MYO10: variants seen among roughly 807,000 people sequenced by gnomAD.
MYO10 encodes the protein myosin X.
In MYO10, 133 loss-of-function variants were observed where a neutral mutation model predicts 257.3. That is an observed-to-expected ratio of 0.52 (90% CI 0.45 to 0.60). The LOEUF is 0.60. Among genes scored for constraint, MYO10 ranks in the 20% least tolerant of loss-of-function variants. The probability of loss-of-function intolerance (pLI) is 0.00; values close to 1 mark genes in which losing one functional copy is unlikely to be tolerated. For synonymous variants in MYO10, 1,104 were observed against 1,028.6 expected, an observed-to-expected ratio of 1.07 and a Z score of -1.40; for missense variants, 2,399 against 2,635.7, an observed-to-expected ratio of 0.91 and a Z score of 1.97.
intron 26 of MYO10, among the ~76,000 whole-genome samples, chr5:16,698,945 G>A (rs1367392086): frequency 1.3e-5 from 2 of 152,110 alleles, no homozygotes; most frequent in Admixed American, 6.5e-5. Context: ...TTTATCATGA[G>A]AATGGGTCTC....
At chr5:16,844,970 A>C (rs933417483) in intron 2 of MYO10, among the ~76,000 whole-genome samples, 6 of 151,402 alleles carry the variant, frequency 4.0e-5, no homozygotes, top group African/African-American at 1.5e-4. Context: ...ACACACACAC[A>C]CACACACAGT....
At chr5:16,819,973 C>T (rs1742748861) in intron 2 of MYO10, among the ~76,000 whole-genome samples, 1 of 152,354 alleles carries the variant, frequency 6.6e-6, no homozygotes, top group East Asian at 1.9e-4. Flanking sequence ...CCAGCTGCTT[C>T]CTGGGCTCAG....
intron 19 of MYO10, among the ~76,000 whole-genome samples, chr5:16,718,702 G>A (rs1201520997): frequency 6.6e-6 from 1 of 151,712 alleles, no homozygotes; most frequent in African/African-American, 2.4e-5. Flanking sequence ...TAGCTGCTCT[G>A]GTGAGGACGT....
intron 2 of MYO10, among the ~76,000 whole-genome samples, chr5:16,866,746 A>G (rs1294045109): frequency 6.6e-6 from 1 of 152,126 alleles, no homozygotes; most frequent in Non-Finnish European, 1.5e-5. Flanking sequence ...GACTGAAAAG[A>G]ATCTAACCCT....
In MYO10 at chr5:16,670,895, C is replaced by T. The variant is rs1736424354; in HGVS notation, c.5514G>A (p.Leu1838=). The T allele has an allele frequency of 1.2e-6, 2 of 1,613,840 alleles. No homozygotes were observed. The highest frequency in any genetic ancestry group is 2.7e-5 in the African/African-American group (2 of 74,922). ...QVLAALRLQY[L]QGDYTLHAAI... ...CAGCGTGCAGAGTATAATCCCCCTG[C>T]AGATACTGGAGTCGCAGGGCAGCAA... is the stretch of plus-strand genomic sequence containing the variant. Residue 1838 remains leucine (L), a synonymous_variant, in exon 39 of 41, where the codon CTG becomes CTA. Transcript: ENST00000513610.
intron 6 of MYO10, 59 bp downstream of exon 6, chr5:16,781,646 A>C: frequency 6.7e-7 from 1 of 1,495,516 alleles, no homozygotes. Flanking sequence ...ATAATTAGTG[A>C]GAACAGTTTC....
At chr5:16,698,602 C>T (rs1737870932) in intron 26 of MYO10, among the ~76,000 whole-genome samples, 1 of 150,050 alleles carries the variant, frequency 6.7e-6, no homozygotes, top group Admixed American at 6.6e-5. Context: ...CTCTAATATC[C>T]CTGGCAGGAG....
rs1659822828 is a variant in MYO10 at position 16,677,752 on chromosome 5, A to C, written c.4543-1598T>G. On this transcript the variant is annotated intron_variant, in intron 33 of 40. Transcript: ENST00000513610. ...AAGAAGCATGGCTTCATATTTGAAAAATCATATTTACTCTTTTTTTTTTTG... is the reference window on the plus strand; with the variant it reads ...AAGAAGCATGGCTTCATATTTGAAACATCATATTTACTCTTTTTTTTTTTG... 2.1e-5 allele frequency among the ~76,000 whole-genome samples: 3 copies of C among 145,426 alleles called. No individual in the cohort carries two copies. In the Admixed American group the frequency reaches 2.1e-4, roughly 10 times the overall value.
chr5:16,845,883 G>A (rs890769804), intron 2 of MYO10, among the ~76,000 whole-genome samples: 2 of 151,964 alleles, frequency 1.3e-5, no homozygotes, highest in Non-Finnish European at 2.9e-5. Flanking sequence ...AGAATCACTT[G>A]AAACCAGGAG....
chr5:16,822,699 T>A (rs1176771752), intron 2 of MYO10, among the ~76,000 whole-genome samples: 2 of 151,022 alleles, frequency 1.3e-5, no homozygotes, highest in Admixed American at 6.6e-5. Context: ...TATTTTTTTT[T>A]TTTTTTGAGA....
rs201305286 is a variant in MYO10 at position 16,831,508 on chromosome 5, G to GTATA, written c.121-13345_121-13342dup. Among the ~76,000 whole-genome samples, 75 of 151,092 alleles carry GTATA rather than the reference G, an allele frequency of 5.0e-4. 1 individual carries two copies. In the East Asian group the frequency reaches 6.0e-3, roughly 12 times the overall value. On this transcript the variant is annotated intron_variant, in intron 2 of 40. Coordinates refer to ENST00000513610, the MANE Select transcript of MYO10 (RefSeq NM_012334.3). ...TCAATGAGTGGATAAAGAAACTGTG[G>GTATA]TATATATATATACAATGGAATACTA... is the stretch of plus-strand genomic sequence containing the variant.
At chr5:16,875,347 A>G (rs1043161888) in intron 2 of MYO10, among the ~76,000 whole-genome samples, 1 of 152,244 alleles carries the variant, frequency 6.6e-6, no homozygotes, top group East Asian at 1.9e-4. Context: ...GCGGAGTGAC[A>G]GAAAAATGTG....
chr5:16,770,187 G>C (rs190489733), intron 9 of MYO10, among the ~76,000 whole-genome samples: 1 of 152,062 alleles, frequency 6.6e-6, no homozygotes, highest in Non-Finnish European at 1.5e-5. Flanking sequence ...AGCTATGATC[G>C]CATGTGTACT....
rs553167969 is a variant in MYO10 at position 16,775,522 on chromosome 5, T to G, written c.930+4023A>C. On this transcript the variant is annotated intron_variant, in intron 9 of 40. Coordinates refer to ENST00000513610, the MANE Select transcript of MYO10 (RefSeq NM_012334.3). The stretch of plus-strand genomic sequence containing the variant: ...TGGCTCACTACAGCCTCGAACTCCC[T>G]GGGCTCAGGTAATCCTCACACCTCC... Among the ~76,000 whole-genome samples the G allele has an allele frequency of 3.3e-5, 5 of 152,284 alleles. No individual in the cohort carries two copies. In the South Asian group the frequency reaches 1.0e-3, roughly 32 times the overall value.
chr5:16,778,406 C>T (rs1741287990), intron 9 of MYO10, among the ~76,000 whole-genome samples: 3 of 152,132 alleles, frequency 2.0e-5, no homozygotes, highest in South Asian at 4.1e-4. Context: ...CATGAGACAG[C>T]CAAATGCTTA....
intron 40 of MYO10, 139 bp from the exon 41 acceptor site, chr5:16,666,932 C>T: frequency 1.5e-6 from 1 of 664,922 alleles, no homozygotes; most frequent in South Asian, 1.9e-5. Context: ...TGCAGGAAGC[C>T]AGAAGTTTAA....
chr5:16,935,194 ACT>A (rs1746400163), intron 1 of MYO10, among the ~76,000 whole-genome samples: 1 of 152,034 alleles, frequency 6.6e-6, no homozygotes, highest in African/African-American at 2.4e-5. Context: ...CTGCATGGAC[ACT>A]CTACACAAAT....
Position 16,705,689 on chromosome 5 carries a change from C to A in MYO10, c.2170-1004G>T, listed in dbSNP as rs144679524. ...ATGGTGCATCACGTTCTCCCAATGG[C>A]ACATTTTTCCAGGTTCTCTGCTCTG... On this transcript the variant is annotated intron_variant, in intron 21 of 40. Transcript: ENST00000513610. 6.9e-3 allele frequency among the ~76,000 whole-genome samples: 1,054 copies of A among 152,224 alleles called. 3 individuals are homozygous for A. Among genetic ancestry groups the A allele is most frequent in the South Asian group, 0.012 (60 of 4,824 alleles).
chr5:16,848,175 T>A lies in MYO10; in HGVS notation c.120+29434A>T, dbSNP rs10214035. Reference sequence around the variant, plus strand: ...CATTTCTTTTTTTTTTTTTTTTTTGTGAGAGAGAGTTTTGCTCTTGTCGCC... The same window carrying A: ...CATTTCTTTTTTTTTTTTTTTTTTGAGAGAGAGAGTTTTGCTCTTGTCGCC... On this transcript the variant is annotated intron_variant, in intron 2 of 40. Coordinates refer to ENST00000513610, the MANE Select transcript of MYO10 (RefSeq NM_012334.3). 2.0e-3 allele frequency among the ~76,000 whole-genome samples: 298 copies of A among 148,688 alleles called. 4 individuals carry two copies. The highest frequency in any genetic ancestry group is 7.2e-3 in the African/African-American group (288 of 40,156).
Sources: gnomAD v4.1 joint callset for allele counts (sites outside exome capture counted in the v4.1 genomes callset) on GRCh38, gnomAD v4.1.1 for gene constraint, MANE v1.5 for transcripts, NCBI Gene and HGNC (gene_info 2026-07-23, HGNC 2026-07-21) for gene names.